The following PELI2 variants were observed in gnomAD, a reference collection of about 807,000 sequenced individuals.
The protein encoded by PELI2 is pellino E3 ubiquitin protein ligase family member 2.
Under a neutral mutation model 42.3 loss-of-function variants are expected in PELI2, and 23 were observed. The ratio of observed to expected loss-of-function variants is 0.54; its 90% confidence interval spans 0.39 to 0.77. The LOEUF is 0.77. PELI2 is among the 30% of genes least tolerant of loss of function. The probability of loss-of-function intolerance (pLI) is 0.00; values close to 1 mark genes in which losing one functional copy is unlikely to be tolerated. For missense variants in PELI2, 463 were observed against 553.2 expected (o/e 0.84, Z 1.64); for synonymous variants, 245 against 212.2 (o/e 1.15, Z -1.34).
intron 1 of PELI2, among the ~76,000 whole-genome samples, chr14:56,147,083 TTAACA>T (rs1467157302): frequency 6.6e-6 from 1 of 152,212 alleles, no homozygotes; most frequent in Admixed American, 6.5e-5. Context: ...TTTCTTCCAC[TTAACA>T]TAATGTTTTC....
chr14:56,269,509 A>T (rs1889024260), intron 2 of PELI2, among the ~76,000 whole-genome samples: 2 of 152,162 alleles, frequency 1.3e-5, no homozygotes, highest in Admixed American at 1.3e-4. Flanking sequence ...CAATGAAAAA[A>T]TCCATACAAA....
At chr14:56,135,812 G>T (rs1404053640) in intron 1 of PELI2, among the ~76,000 whole-genome samples, 3 of 152,200 alleles carry the variant, frequency 2.0e-5, no homozygotes, top group Non-Finnish European at 1.5e-5. Flanking sequence ...AAAGACCTCT[G>T]TTAACTGGAA....
intron 2 of PELI2, among the ~76,000 whole-genome samples, chr14:56,269,695 C>A (rs541948255): frequency 6.6e-6 from 1 of 152,244 alleles, no homozygotes; most frequent in East Asian, 1.9e-4. Flanking sequence ...TACAGCCAGC[C>A]CGTGTTGGAT....
intron 2 of PELI2, among the ~76,000 whole-genome samples, chr14:56,206,597 C>T (rs1886526937): frequency 1.3e-5 from 2 of 152,184 alleles, no homozygotes; most frequent in African/African-American, 2.4e-5. Context: ...TCCTAGAATA[C>T]ACAATCAGAG....
intron 2 of PELI2, among the ~76,000 whole-genome samples, chr14:56,230,576 G>GC (rs1887523101): frequency 6.6e-6 from 1 of 152,150 alleles, no homozygotes; most frequent in South Asian, 2.1e-4. Context: ...CACGAGGCCT[G>GC]CCTTACAAGA....
At chr14:56,266,811 G>A (rs993293582) in intron 2 of PELI2, among the ~76,000 whole-genome samples, 1 of 151,986 alleles carries the variant, frequency 6.6e-6, no homozygotes, top group Non-Finnish European at 1.5e-5. Flanking sequence ...AGTACTGCTT[G>A]TAAAATAAAA....
intron 2 of PELI2, among the ~76,000 whole-genome samples, chr14:56,212,304 C>T (rs538790186): frequency 1.6e-4 from 25 of 152,314 alleles, no homozygotes; most frequent in South Asian, 8.3e-4. Context: ...GATACTACTG[C>T]GCTGTGTTTT....
At chr14:56,251,902 T>C (rs921659022) in intron 2 of PELI2, among the ~76,000 whole-genome samples, 2 of 152,206 alleles carry the variant, frequency 1.3e-5, no homozygotes, top group Middle Eastern at 3.2e-3. Context: ...CTTATCTAGA[T>C]TGACATGACA....
chr14:56,261,268 C>T (rs1460994542), intron 2 of PELI2, among the ~76,000 whole-genome samples: 1 of 152,212 alleles, frequency 6.6e-6, no homozygotes, highest in Non-Finnish European at 1.5e-5. Flanking sequence ...AATGGCCACT[C>T]ATTTCTATTG....
intron 2 of PELI2, among the ~76,000 whole-genome samples, chr14:56,255,660 G>T (rs1888503055): frequency 6.6e-6 from 1 of 152,136 alleles, no homozygotes. Flanking sequence ...TTGGGGGAAG[G>T]TGGTGGACCA....
chr14:56,119,702 A>C, intron 1 of PELI2: 1 of 869,904 alleles, frequency 1.1e-6, no homozygotes, highest in Admixed American at 6.2e-5. Flanking sequence ...GTGAAAGGGG[A>C]GGGGGAAGGG....
chr14:56,126,233 A>G (rs1204452363), intron 1 of PELI2, among the ~76,000 whole-genome samples: 6 of 152,164 alleles, frequency 3.9e-5, no homozygotes. Context: ...GTGGCGTTGA[A>G]AGGCTGTGGT....
Position 56,300,579 on chromosome 14 carries a change from G to A in PELI2, c.*3413G>A, listed in dbSNP as rs1890144923. On this transcript the variant is annotated 3_prime_UTR_variant, in exon 6 of 6. Transcript: ENST00000267460. ...TAGAATTGTTACCTGCAGTTCTATG[G>A]TTTTGTTTCACTTCTTTTCTTTTTT... 6.6e-6 allele frequency: 1 copy of A among 151,982 alleles called. No homozygotes were observed. The highest frequency in any genetic ancestry group is 2.1e-4 in the South Asian group (1 of 4,822). The allele number at this position is 151,982 out of a possible 1,614,324, so 9.4% of individuals were successfully genotyped here. A position where few individuals can be genotyped will look rare whatever the true frequency, so the allele number is the denominator to read the frequency against.
At chr14:56,122,426 T>A (rs2139572660) in intron 1 of PELI2, among the ~76,000 whole-genome samples, 1 of 152,272 alleles carries the variant, frequency 6.6e-6, no homozygotes, top group South Asian at 2.1e-4. Context: ...TTTCCTCACT[T>A]TAAGACAGAT....
At chr14:56,269,978 A>G (rs1889040085) in intron 2 of PELI2, among the ~76,000 whole-genome samples, 1 of 152,158 alleles carries the variant, frequency 6.6e-6, no homozygotes, top group Non-Finnish European at 1.5e-5. Context: ...TTTGTACTTG[A>G]GCGTGACCCC....
intron 3 of PELI2, among the ~76,000 whole-genome samples, chr14:56,282,643 T>G (rs776268913): frequency 2.0e-5 from 3 of 151,980 alleles, no homozygotes; most frequent in Non-Finnish European, 4.4e-5. Context: ...GTTATTAAAG[T>G]GCCAGTTTGA....
intron 2 of PELI2, among the ~76,000 whole-genome samples, chr14:56,268,738 T>C (rs1888995595): frequency 6.6e-6 from 1 of 152,196 alleles, no homozygotes; most frequent in South Asian, 2.1e-4. Flanking sequence ...GGGTGGTCCT[T>C]ACTGCAGGAT....
intron 2 of PELI2, among the ~76,000 whole-genome samples, chr14:56,192,708 G>A (rs912351291): frequency 2.6e-5 from 4 of 152,106 alleles, no homozygotes; most frequent in Non-Finnish European, 4.4e-5. Flanking sequence ...TTTTCTCATC[G>A]CTCACGTTGG....
chr14:56,118,510 C>T lies in PELI2; in HGVS notation c.-151C>T, dbSNP rs998036814. On this transcript the variant is annotated 5_prime_UTR_variant, in exon 1 of 6. Coordinates refer to ENST00000267460, the MANE Select transcript of PELI2 (RefSeq NM_021255.3). ...CAGCCACGACGGAGCAGCAGCGGGA[C>T]TGGCCGCCCCGCGCCCCCTTCGCCG... 5.0e-6 allele frequency: 2 copies of T among 401,950 alleles called. No individual in the cohort carries two copies. Among genetic ancestry groups the T allele is most frequent in the Non-Finnish European group, 8.4e-6 (2 of 238,008 alleles). 24.9% of individuals were successfully genotyped at this position (401,950 alleles called of 1,614,324 possible).
Sources: gnomAD v4.1 joint callset for allele counts (sites outside exome capture counted in the v4.1 genomes callset) on GRCh38, gnomAD v4.1.1 for gene constraint, MANE v1.5 for transcripts, NCBI Gene and HGNC (gene_info 2026-07-23, HGNC 2026-07-21) for gene names.